Variants in COL9A2 observed in about 807,000 individuals in gnomAD.
COL9A2 encodes collagen type IX alpha 2 chain, also known as collagen alpha-2(IX) chain.
A neutral mutation model predicts 111.6 loss-of-function variants in COL9A2; 66 were observed. That is an observed-to-expected ratio of 0.59 (90% CI 0.48 to 0.73). The LOEUF is 0.73. Ranked by LOEUF, COL9A2 falls within the 30% of genes least tolerant of loss-of-function variation. COL9A2 has a pLI of 0.00. For synonymous variants in COL9A2, 353 were observed against 364.1 expected, an observed-to-expected ratio of 0.97 and a Z score of 0.35; for missense variants, 881 against 954.1, an observed-to-expected ratio of 0.92 and a Z score of 1.01.
intron 2 of COL9A2, 133 bp downstream of exon 2, chr1:40,315,457 C>T (rs1644203251): frequency 4.1e-6 from 6 of 1,458,840 alleles, no homozygotes; most frequent in Non-Finnish European, 4.5e-6. Flanking sequence ...TGGTGCGGGC[C>T]GGCGCCGCCT....
At position 40,302,814 on chromosome 1, in the gene COL9A2, A is replaced by T; in HGVS notation, c.1604-5T>A. On this transcript the variant is annotated splice_polypyrimidine_tract_variant and splice_region_variant and intron_variant, in intron 29 of 31. Transcript: ENST00000372748. This position sits in a 1 kb window ranked among gnomAD's most constrained non-coding sequence, Gnocchi z 4.5. ...CGGCGACCTCTGCCAGTTGCTCTGG[A>T]GGGAGGGAGGGAGGGAGGGAGAGGG... The T allele has an allele frequency of 2.7e-6, 1 of 364,956 alleles. No individual in the cohort carries two copies. The highest frequency in any genetic ancestry group is 5.3e-6 in the Non-Finnish European group (1 of 189,544). The allele number at this position is 364,956 out of a possible 1,614,324, so 22.6% of individuals were successfully genotyped here. A position where few individuals can be genotyped will look rare whatever the true frequency, so the allele number is the denominator to read the frequency against.
chr1:40,316,930 A>C lies in COL9A2; in HGVS notation c.75+193T>G, dbSNP rs1366235684. Among the ~76,000 whole-genome samples the C allele has an allele frequency of 1.3e-5, 2 of 152,140 alleles. No individual in the cohort carries two copies. Among genetic ancestry groups the C allele is most frequent in the African/African-American group, 2.4e-5 (1 of 41,446 alleles). ...CGGGTCCCGTTTGACTCTCCGGCTCAGCCACCTCCATTCACGGTGCCGCGA... is the reference window on the plus strand; with the variant it reads ...CGGGTCCCGTTTGACTCTCCGGCTCCGCCACCTCCATTCACGGTGCCGCGA... On this transcript the variant is annotated intron_variant, in intron 1 of 31. Coordinates refer to ENST00000372748, the MANE Select transcript of COL9A2 (RefSeq NM_001852.4). The surrounding 1 kb of genome is among the most constrained non-coding windows in gnomAD (Gnocchi z 5.5).
chr1:40,314,172 C>A lies in COL9A2; in HGVS notation c.249+33G>T. On this transcript the variant is annotated intron_variant, in intron 4 of 31. Transcript: ENST00000372748. The surrounding 1 kb of genome is among the most constrained non-coding windows in gnomAD (Gnocchi z 4.1). ...GCCCTGGAGGTCAATTGGCAGAGCC[C>A]TACCCTGCCCCACCCGACACTCAGC... 5.0e-6 allele frequency: 8 copies of A among 1,610,702 alleles called. No homozygotes were observed. The highest frequency in any genetic ancestry group is 6.8e-6 in the Non-Finnish European group (8 of 1,177,066).
Position 40,302,628 on chromosome 1 carries a change from C to T in COL9A2, c.1785G>A (p.Gly595=). The change falls in exon 30 of 32, where the codon GGG becomes GGA. Residue 595 remains glycine, a synonymous_variant. Transcript: ENST00000372748. This position sits in a 1 kb window ranked among gnomAD's most constrained non-coding sequence, Gnocchi z 4.5. ...CCGCAGAGGAGCACTCACCCTTGGG[C>T]CCCGTGTTGCCGATCTGACCCACGG... ...VGAVGQIGNT[G]PKGKRGEKGD... 1 of 1,600,166 alleles carries T rather than the reference C, an allele frequency of 6.2e-7. No homozygotes were observed. Among genetic ancestry groups the T allele is most frequent in the Non-Finnish European group, 8.5e-7 (1 of 1,175,324 alleles).
In COL9A2 at chr1:40,316,085, A is replaced by C. The variant is rs1351232337; in HGVS notation, c.76-421T>G. ...GATGGAATGTAAGGTTGTGCCTAGC[A>C]GGCTGCCGGCCCTCAGTGAGCGGTG... is the stretch of plus-strand genomic sequence containing the variant. On this transcript the variant is annotated intron_variant, in intron 1 of 31. Coordinates refer to ENST00000372748, the MANE Select transcript of COL9A2 (RefSeq NM_001852.4). The surrounding 1 kb of genome is among the most constrained non-coding windows in gnomAD (Gnocchi z 5.5). The C allele has an allele frequency of 1.2e-5, 2 of 167,306 alleles. No individual in the cohort carries two copies. Among genetic ancestry groups the C allele is most frequent in the Admixed American group, 1.2e-4 (2 of 16,680 alleles). 10.4% of individuals were successfully genotyped at this position (167,306 alleles called of 1,614,324 possible).
At chr1:40,305,294 A>G (rs962257724) in intron 21 of COL9A2, among the ~76,000 whole-genome samples, 1 of 151,840 alleles carries the variant, frequency 6.6e-6, no homozygotes, top group Non-Finnish European at 1.5e-5. Context: ...TGACCTCGTG[A>G]TCCACCCGCC....
intron 21 of COL9A2, chr1:40,305,116 G>A (rs1644006022): frequency 3.1e-6 from 1 of 317,460 alleles, no homozygotes; most frequent in East Asian, 6.1e-5. Context: ...CACCCAGGCT[G>A]GAATGCAGTG....
In COL9A2 at chr1:40,314,603, G is replaced by C. The variant is rs1397759141; in HGVS notation, c.151-216C>G. ...AGGAGCATGAGAATAACCCTGGCCG[G>C]GCTGGAGAGGGTGACAGCAACATGC... On this transcript the variant is annotated intron_variant, in intron 2 of 31. Coordinates refer to ENST00000372748, the MANE Select transcript of COL9A2 (RefSeq NM_001852.4). This position sits in a 1 kb window ranked among gnomAD's most constrained non-coding sequence, Gnocchi z 4.1. 6.6e-6 allele frequency among the ~76,000 whole-genome samples: 1 copy of C among 152,208 alleles called. No homozygotes were observed. The highest frequency in any genetic ancestry group is 1.5e-5 in the Non-Finnish European group (1 of 68,034).
At chr1:40,313,174 T>C (rs1240792705) in intron 4 of COL9A2, among the ~76,000 whole-genome samples, 1 of 152,012 alleles carries the variant, frequency 6.6e-6, no homozygotes, top group Non-Finnish European at 1.5e-5. Context: ...TTTCTTTCTT[T>C]TTTTTTTCAA....
intron 4 of COL9A2, among the ~76,000 whole-genome samples, chr1:40,313,769 C>G (rs1219420729): frequency 6.6e-6 from 1 of 152,100 alleles, no homozygotes; most frequent in African/African-American, 2.4e-5. Context: ...CCTTGGGGGC[C>G]CCCTGGGAGC....
At chr1:40,309,523 C>T (rs114508722) in intron 16 of COL9A2, among the ~76,000 whole-genome samples, 1 of 151,902 alleles carries the variant, frequency 6.6e-6, no homozygotes, top group Non-Finnish European at 1.5e-5. Context: ...CATTGTCTGG[C>T]CCCAGTGACC....
Position 40,304,529 on chromosome 1 carries a change from C to A in COL9A2, c.1162G>T (p.Gly388Cys), listed in dbSNP as rs775401012. ...ACTGGACCCCTCTCGCCTTGGTCAC[C>A]CTGAAATGGAAAGAGAAGGTCACAA... ...IGPQGIMGQK[G>C]DQGERGPVGQ... The change falls in exon 23 of 32, where the codon GGT becomes TGT. Residue 388 changes from glycine to cysteine, a missense_variant and splice_region_variant. Physicochemically the swap from Gly to Cys is radical, Grantham distance 159. Transcript: ENST00000372748. 6.2e-7 allele frequency: 1 copy of A among 1,614,162 alleles called. No individual in the cohort carries two copies.
At position 40,314,253 on chromosome 1, in the gene COL9A2, C is replaced by A; in HGVS notation, c.201G>T (p.Glu67Asp). Residue 67 changes from glutamate (E) to aspartate (D), a missense_variant, in exon 4 of 32, where the codon GAG becomes GAT. By Grantham distance (45) the Glu-to-Asp change is conservative. Coordinates refer to ENST00000372748, the MANE Select transcript of COL9A2 (RefSeq NM_001852.4). This position sits in a 1 kb window ranked among gnomAD's most constrained non-coding sequence, Gnocchi z 4.1. Reference protein sequence around the residue: ...GKAGPPGPKGEPGKAGPDGPD... With the variant: ...GKAGPPGPKGDPGKAGPDGPD... ...GCCCATCTGGCCCAGCTTTGCCAGG[C>A]TCGCCCTTGGGTCCCTTGAAAACAG... 6.2e-7 allele frequency: 1 copy of A among 1,614,214 alleles called. No homozygotes were observed. Among genetic ancestry groups the A allele is most frequent in the Admixed American group, 1.7e-5 (1 of 60,024 alleles).
At chr1:40,304,266 A>G in intron 24 of COL9A2, 54 bp downstream of exon 24, 1 of 1,543,428 alleles carries the variant, frequency 6.5e-7, no homozygotes, top group Middle Eastern at 1.7e-4. Context: ...TGCCGACCCC[A>G]CTCCCCCTGT....
Position 40,310,212 on chromosome 1 carries a change from G to A in COL9A2, c.739-48C>T. 1.2e-6 allele frequency: 2 copies of A among 1,613,390 alleles called. No individual in the cohort carries two copies. The highest frequency in any genetic ancestry group is 8.5e-7 in the Non-Finnish European group (1 of 1,179,318). On this transcript the variant is annotated intron_variant, in intron 14 of 31. Transcript: ENST00000372748. This position sits in a 1 kb window ranked among gnomAD's most constrained non-coding sequence, Gnocchi z 4.9. Reference sequence around the variant, plus strand: ...GGTCAGTCCTGGCTGAACTCCAGGGGCCAGAAGGCAGCTCCTGGAAGCTCT... The same window carrying A: ...GGTCAGTCCTGGCTGAACTCCAGGGACCAGAAGGCAGCTCCTGGAAGCTCT...
intron 16 of COL9A2, 135 bp downstream of exon 16, chr1:40,309,803 C>T: frequency 4.7e-6 from 4 of 854,666 alleles, no homozygotes; most frequent in Non-Finnish European, 8.0e-6. Context: ...ACACACACTA[C>T]ACACTCACAC....
Position 40,312,620 on chromosome 1 carries a change from A to C in COL9A2, c.304-11T>G. 6.2e-7 allele frequency: 1 copy of C among 1,613,912 alleles called. No homozygotes were observed. The highest frequency in any genetic ancestry group is 8.5e-7 in the Non-Finnish European group (1 of 1,179,932). ...AAGCCCGGGCTGGCCCTGCAGAAGCAACGAGAAAGGCTCAGAGGCTGGGGT... is the reference window on the plus strand; with the variant it reads ...AAGCCCGGGCTGGCCCTGCAGAAGCCACGAGAAAGGCTCAGAGGCTGGGGT... On this transcript the variant is annotated splice_polypyrimidine_tract_variant and intron_variant, in intron 5 of 31. Transcript: ENST00000372748. The surrounding 1 kb of genome is among the most constrained non-coding windows in gnomAD (Gnocchi z 6.0).
rs776728239 is a variant in COL9A2 at position 40,314,213 on chromosome 1, C to T, written c.241G>A (p.Gly81Arg). The change falls in exon 4 of 32, where the codon GGG becomes AGG. Residue 81 changes from glycine (G) to arginine (R), a missense_variant. By Grantham distance (125) the Gly-to-Arg change is moderately radical (BLOSUM62 -2). Transcript: ENST00000372748. This position sits in a 1 kb window ranked among gnomAD's most constrained non-coding sequence, Gnocchi z 4.1. ...AGPDGPDGKP[G>R]IDGLTGAKGE... is the part of the protein sequence containing the mutation. The stretch of plus-strand genomic sequence containing the variant: ...GACACTCAGCTACTCACATCAATCC[C>T]GGGCTTCCCGTCTGGCCCATCTGGC... 13 of 1,614,104 alleles carry T rather than the reference C, an allele frequency of 8.1e-6. No homozygotes were observed. The highest frequency in any genetic ancestry group is 5.3e-5 in the African/African-American group (4 of 74,930).
At position 40,312,558 on chromosome 1, in the gene COL9A2, T is replaced by A. The variant is rs754946364; in HGVS notation, c.339+16A>T. ...TCCCCCAAGAGTCCCTCGAAGCCCTTGCAGGTTGTACTCACCGGAAGGCCA... is the reference window on the plus strand; with the variant it reads ...TCCCCCAAGAGTCCCTCGAAGCCCTAGCAGGTTGTACTCACCGGAAGGCCA... On this transcript the variant is annotated intron_variant, in intron 6 of 31. Transcript: ENST00000372748. This position sits in a 1 kb window ranked among gnomAD's most constrained non-coding sequence, Gnocchi z 6.0. 4.3e-6 allele frequency: 7 copies of A among 1,613,944 alleles called. No individual in the cohort carries two copies. In the African/African-American group the frequency reaches 6.7e-5, roughly 15 times the overall value.
Sources: gnomAD v4.1 joint callset for allele counts (sites outside exome capture counted in the v4.1 genomes callset) on GRCh38, gnomAD v4.1.1 for gene constraint, Gnocchi (gnomAD v3.1) non-coding constraint, MANE v1.5 for transcripts, NCBI Gene and HGNC (gene_info 2026-07-23, HGNC 2026-07-21) for gene names.